The following RGS7 variants were observed in gnomAD, a reference collection of about 807,000 sequenced individuals.
The protein encoded by RGS7 is regulator of G protein signaling 7.
A neutral mutation model predicts 81.1 loss-of-function variants in RGS7; 27 were observed. The observed-to-expected ratio is 0.33, with a 90% CI of 0.25 to 0.46. The LOEUF is 0.46. RGS7 is among the 20% of genes least tolerant of loss of function. The pLI is 1.00. For missense variants in RGS7, 396 were observed against 607.4 expected (o/e 0.65, Z 3.66); for synonymous variants, 208 against 207.7 (o/e 1.00, Z -0.01).
At chr1:241,153,779 G>T (rs1437152072) in intron 2 of RGS7, among the ~76,000 whole-genome samples, 1 of 152,236 alleles carries the variant, frequency 6.6e-6, no homozygotes, top group Non-Finnish European at 1.5e-5. Flanking sequence ...AGCAAGTGCT[G>T]TTGATTGGTC....
chr1:241,004,732 G>A (rs75485388), intron 3 of RGS7, among the ~76,000 whole-genome samples: 4,712 of 152,280 alleles, frequency 0.031, 240 homozygotes, highest in African/African-American at 0.1. Context: ...GCCTCTCTGA[G>A]CAGCATTCCT....
At chr1:241,300,331 T>C (rs926600543) in intron 2 of RGS7, among the ~76,000 whole-genome samples, 2 of 152,206 alleles carry the variant, frequency 1.3e-5, no homozygotes, top group Non-Finnish European at 2.9e-5. Context: ...TGGTGTTATA[T>C]ATTCTATGGG....
intron 2 of RGS7, among the ~76,000 whole-genome samples, chr1:241,157,941 C>T (rs113274171): frequency 2.6e-5 from 4 of 151,396 alleles, no homozygotes; most frequent in African/African-American, 4.8e-5. Flanking sequence ...CTCAGCCTCC[C>T]GAGTAGGTGT....
At chr1:241,298,191 A>C (rs2079534784) in intron 2 of RGS7, among the ~76,000 whole-genome samples, 1 of 151,766 alleles carries the variant, frequency 6.6e-6, no homozygotes, top group Non-Finnish European at 1.5e-5. Context: ...AGTGAGATAC[A>C]AAAGAAGAAT....
intron 6 of RGS7, among the ~76,000 whole-genome samples, chr1:240,876,013 C>T (rs994853883): frequency 6.6e-6 from 1 of 152,174 alleles, no homozygotes; most frequent in Non-Finnish European, 1.5e-5. Flanking sequence ...GTTTGCCCCT[C>T]CAGTCTGCCA....
At chr1:240,900,134 A>G (rs933649706) in intron 6 of RGS7, among the ~76,000 whole-genome samples, 9 of 152,190 alleles carry the variant, frequency 5.9e-5, no homozygotes, top group African/African-American at 1.4e-4. Context: ...TTTCAGCTAC[A>G]TCAGGTCATT....
chr1:240,851,497 C>G (rs1660094265), intron 9 of RGS7, among the ~76,000 whole-genome samples: 1 of 152,208 alleles, frequency 6.6e-6, no homozygotes, highest in South Asian at 2.1e-4. Flanking sequence ...CCTGCTAACA[C>G]AACATTTAAT....
At chr1:240,889,445 G>A (rs960496648) in intron 6 of RGS7, among the ~76,000 whole-genome samples, 1 of 152,084 alleles carries the variant, frequency 6.6e-6, no homozygotes. Flanking sequence ...GGAAGGGAGA[G>A]GTTATGTCAG....
intron 2 of RGS7, among the ~76,000 whole-genome samples, chr1:241,333,992 G>A (rs1393079360): frequency 6.6e-6 from 1 of 151,156 alleles, no homozygotes; most frequent in Non-Finnish European, 1.5e-5. Context: ...AAACATTGGT[G>A]CTGTGATGTC....
At chr1:241,273,017 T>C (rs996834930) in intron 2 of RGS7, among the ~76,000 whole-genome samples, 23 of 152,220 alleles carry the variant, frequency 1.5e-4, no homozygotes, top group African/African-American at 5.5e-4. Context: ...TGTGTGTGTG[T>C]AATCTGTCCA....
chr1:240,840,179 C>A (rs907285056), intron 9 of RGS7, among the ~76,000 whole-genome samples: 2 of 152,154 alleles, frequency 1.3e-5, no homozygotes, highest in Non-Finnish European at 2.9e-5. Context: ...ACAGCGACAT[C>A]ACATCGGTCT....
intron 3 of RGS7, among the ~76,000 whole-genome samples, chr1:240,984,631 G>T (rs948517616): frequency 2.6e-5 from 4 of 152,130 alleles, no homozygotes; most frequent in African/African-American, 9.7e-5. Context: ...TGAATTGTTT[G>T]CATACATAGT....
At chr1:241,349,644 C>T (rs973316202) in intron 2 of RGS7, among the ~76,000 whole-genome samples, 10 of 152,164 alleles carry the variant, frequency 6.6e-5, no homozygotes, top group African/African-American at 2.4e-4. Flanking sequence ...TTGTTTCCTA[C>T]GGAACTGGGC....
chr1:240,915,456 G>A (rs770679021), intron 6 of RGS7, among the ~76,000 whole-genome samples: 4 of 152,100 alleles, frequency 2.6e-5, no homozygotes, highest in Non-Finnish European at 5.9e-5. Flanking sequence ...ACAGATGAAC[G>A]CAACGGAAAG....
intron 9 of RGS7, among the ~76,000 whole-genome samples, chr1:240,828,481 G>T (rs1298679494): frequency 6.6e-6 from 1 of 152,102 alleles, no homozygotes; most frequent in African/African-American, 2.4e-5. Flanking sequence ...AGGATTTAAC[G>T]ATCTCTGGTA....
chr1:240,973,686 T>A (rs1427833692), intron 4 of RGS7, among the ~76,000 whole-genome samples: 1 of 151,700 alleles, frequency 6.6e-6, no homozygotes, highest in Non-Finnish European at 1.5e-5. Flanking sequence ...GCCTTCTGGG[T>A]TCACGCCATT....
chr1:240,909,929 G>A (rs184919442), intron 6 of RGS7, among the ~76,000 whole-genome samples: 1 of 152,034 alleles, frequency 6.6e-6, no homozygotes, highest in East Asian at 1.9e-4. Flanking sequence ...GAGCCACCTG[G>A]GTTTAGTTCG....
chr1:240,933,714 T>C (rs1476563311), intron 5 of RGS7, among the ~76,000 whole-genome samples: 1 of 152,050 alleles, frequency 6.6e-6, no homozygotes, highest in Non-Finnish European at 1.5e-5. Context: ...TGTTCAACTG[T>C]TGTTCAATAA....
chr1:240,950,969 T>G (rs967709831), intron 4 of RGS7, among the ~76,000 whole-genome samples: 1 of 151,890 alleles, frequency 6.6e-6, no homozygotes, highest in African/African-American at 2.4e-5. Context: ...GTTGTCCAGC[T>G]GGAGTGTAGT....
Sources: gnomAD v4.1 joint callset for allele counts (sites outside exome capture counted in the v4.1 genomes callset) on GRCh38, gnomAD v4.1.1 for gene constraint, MANE v1.5 for transcripts, NCBI Gene and HGNC (gene_info 2026-07-23, HGNC 2026-07-21) for gene names.